DTNBP1: variants seen among roughly 807,000 people sequenced by gnomAD.
DTNBP1 encodes dystrobrevin binding protein 1, also known as dysbindin.
A neutral mutation model predicts 42.8 loss-of-function variants in DTNBP1; 35 were observed. The ratio of observed to expected loss-of-function variants is 0.82; its 90% CI spans 0.63 to 1.09. DTNBP1 has a LOEUF of 1.09. Among genes scored for constraint, DTNBP1 ranks in the 50% least tolerant of loss-of-function variants. The pLI is 0.00. For missense variants in DTNBP1, 457 were observed against 424.2 expected (o/e 1.08, Z -0.68); for synonymous variants, 171 against 162.2 (o/e 1.05, Z -0.41).
chr6:15,660,656 G>T, intron 1 of DTNBP1: 1 of 789,898 alleles, frequency 1.3e-6, no homozygotes, highest in Non-Finnish European at 1.8e-6. Flanking sequence ...CCTTTGGCAT[G>T]TCTCTCCTTA....
At chr6:15,524,083 A>G (rs1461683430) in intron 9 of DTNBP1, 18 of 1,319,218 alleles carry the variant, frequency 1.4e-5, no homozygotes, top group Admixed American at 2.3e-5. Context: ...TTTACAACAC[A>G]GGCCAAGAGC....
At chr6:15,523,562 CTTT>C (rs5874516) in intron 9 of DTNBP1, 111 of 1,183,278 alleles carry the variant, frequency 9.4e-5, no homozygotes, top group Admixed American at 2.6e-4. Context: ...ATCTAGATTT[CTTT>C]TTTTTTTTTT....
At chr6:15,590,845 T>C (rs1351231618) in intron 7 of DTNBP1, among the ~76,000 whole-genome samples, 4 of 152,210 alleles carry the variant, frequency 2.6e-5, no homozygotes, top group Non-Finnish European at 4.4e-5. Flanking sequence ...TAATCTACAT[T>C]ACTAACTTTG....
At chr6:15,552,273 A>G (rs1774255102) in intron 7 of DTNBP1, among the ~76,000 whole-genome samples, 2 of 152,238 alleles carry the variant, frequency 1.3e-5, no homozygotes, top group Non-Finnish European at 2.9e-5. Flanking sequence ...CAAATGATCA[A>G]TAAAATACAC....
chr6:15,542,206 T>C (rs1278640509), intron 7 of DTNBP1, among the ~76,000 whole-genome samples: 1 of 152,194 alleles, frequency 6.6e-6, no homozygotes, highest in Non-Finnish European at 1.5e-5. Context: ...CTGTGAAATA[T>C]CTGTAAGTCT....
At chr6:15,607,009 A>ATT (rs1561987566) in intron 6 of DTNBP1, among the ~76,000 whole-genome samples, 4 of 136,982 alleles carry the variant, frequency 2.9e-5, no homozygotes, top group African/African-American at 6.0e-5. Context: ...GTCAAAAAAA[A>ATT]ATTTTTTTTT....
At chr6:15,537,689 G>A (rs1773323308) in intron 7 of DTNBP1, among the ~76,000 whole-genome samples, 1 of 152,156 alleles carries the variant, frequency 6.6e-6, no homozygotes, top group Non-Finnish European at 1.5e-5. Context: ...GTCCTCACGA[G>A]ATCTGACGGT....
In DTNBP1 at chr6:15,651,331, C is replaced by G. The variant is rs774703672; in HGVS notation, c.143G>C (p.Gly48Ala). ...TVPFLPKYSA[G>A]LELLSRYEDT... ...CACTTACCTGCTAAGTAATTCTAAT[C>G]CAGCAGAGTACTTTGGCAAAAATGG... Residue 48 changes from glycine to alanine, a missense_variant, in exon 3 of 10, where the codon GGA becomes GCA. Gly to Ala is a moderately conservative substitution (Grantham distance 60, BLOSUM62 0). Transcript: ENST00000344537. The G allele has an allele frequency of 2.5e-6, 4 of 1,611,648 alleles. No homozygotes were observed. The highest frequency in any genetic ancestry group is 3.4e-6 in the Non-Finnish European group (4 of 1,179,672).
rs145691795 is a variant in DTNBP1, at chr6:15,589,733, T to C, written c.511+3326A>G. On this transcript the variant is annotated intron_variant, in intron 7 of 9. Transcript: ENST00000344537. The stretch of plus-strand genomic sequence containing the variant: ...CTCTAAGGTCTTAGGAAAAGAGACA[T>C]CCCTGGATACTCTCCAAGGATAACC... Among the ~76,000 whole-genome samples the C allele has an allele frequency of 3.9e-4, 60 of 152,314 alleles. No homozygotes were observed. In the East Asian group the frequency reaches 0.01, roughly 26 times the overall value.
rs1350414731 is a variant in DTNBP1 at position 15,533,295 on chromosome 6, C to G, written c.612G>C (p.Gln204His). The G allele has an allele frequency of 1.9e-6, 3 of 1,614,192 alleles. No homozygotes were observed. ...ERQKFFEEAF[Q>H]QDMEQYLSTG... ...TGGACAGGTACTGCTCCATGTCCTG[C>G]TGGAAGGCTTCCTCAAAAAACTTCT... The change falls in exon 8 of 10, where the codon CAG becomes CAC. Residue 204 changes from glutamine to histidine, a missense_variant. Transcript: ENST00000344537.
At chr6:15,549,393 G>A (rs1317276966) in intron 7 of DTNBP1, among the ~76,000 whole-genome samples, 2 of 151,258 alleles carry the variant, frequency 1.3e-5, no homozygotes, top group African/African-American at 4.9e-5. Context: ...GCCGAGACAG[G>A]TGAGTCGCTT....
chr6:15,634,212 T>G (rs145601342), intron 4 of DTNBP1, among the ~76,000 whole-genome samples: 1 of 152,244 alleles, frequency 6.6e-6, no homozygotes, highest in Non-Finnish European at 1.5e-5. Context: ...TGCAGATATA[T>G]TCACATTTAC....
chr6:15,615,155 T>C (rs1338719161), intron 6 of DTNBP1, 112 bp downstream of exon 6: 1 of 1,524,154 alleles, frequency 6.6e-7, no homozygotes, highest in African/African-American at 1.4e-5. Flanking sequence ...TTATCAGTTT[T>C]ATGTTGAAAC....
intron 1 of DTNBP1, among the ~76,000 whole-genome samples, chr6:15,655,640 TAA>T (rs5874522): frequency 7.1e-6 from 1 of 141,028 alleles, no homozygotes; most frequent in Admixed American, 7.1e-5. Flanking sequence ...AAAACGAAGT[TAA>T]AAAAAAAAAA....
Position 15,536,493 on chromosome 6 carries a change from C to T in DTNBP1, c.512-3098G>A, listed in dbSNP as rs868583983. The stretch of plus-strand genomic sequence containing the variant: ...GGCTATTGCTTCAGAGGGTGCAAGC[C>T]ACAAGCCTTGGCAGCTTCCACATGC... On this transcript the variant is annotated intron_variant, in intron 7 of 9. Transcript: ENST00000344537. Among the ~76,000 whole-genome samples, 10 of 152,354 alleles carry T rather than the reference C, an allele frequency of 6.6e-5. No homozygotes were observed. In the South Asian group the frequency reaches 2.1e-3, roughly 32 times the overall value.
At chr6:15,541,855 C>T (rs550674838) in intron 7 of DTNBP1, among the ~76,000 whole-genome samples, 2 of 152,156 alleles carry the variant, frequency 1.3e-5, no homozygotes, top group South Asian at 4.1e-4. Flanking sequence ...TACTCTACAA[C>T]TAAGCCTTTT....
intron 7 of DTNBP1, among the ~76,000 whole-genome samples, chr6:15,592,460 C>T (rs1776339204): frequency 6.6e-6 from 1 of 152,170 alleles, no homozygotes; most frequent in Non-Finnish European, 1.5e-5. Context: ...TCTCCATGAC[C>T]AGTAAGGGTC....
At chr6:15,557,696 A>G (rs1774607236) in intron 7 of DTNBP1, among the ~76,000 whole-genome samples, 1 of 152,192 alleles carries the variant, frequency 6.6e-6, no homozygotes, top group African/African-American at 2.4e-5. Flanking sequence ...AAGCTACAAA[A>G]AAGAGGCAGG....
intron 3 of DTNBP1, among the ~76,000 whole-genome samples, chr6:15,640,179 G>A (rs962010668): frequency 2.6e-5 from 4 of 152,134 alleles, no homozygotes; most frequent in African/African-American, 9.7e-5. Flanking sequence ...CCTCGCATGG[G>A]CCTTAGCTGC....
Sources: allele counts gnomAD v4.1 joint callset (sites outside exome capture counted in the v4.1 genomes callset), GRCh38; gene constraint gnomAD v4.1.1; transcripts MANE v1.5; gene names NCBI Gene and HGNC (gene_info 2026-07-23, HGNC 2026-07-21).